Variants in THSD7B observed in about 807,000 individuals in gnomAD.
THSD7B encodes the protein thrombospondin type 1 domain containing 7B.
Under a neutral mutation model 213.6 loss-of-function variants are expected in THSD7B, and 138 were observed. That is an observed-to-expected ratio of 0.65 (90% CI 0.56 to 0.74). The LOEUF (loss-of-function observed/expected upper bound fraction) is 0.74. THSD7B is among the 30% of genes least tolerant of loss of function. The pLI is 0.00. For missense variants in THSD7B, 1,931 were observed against 1,991.5 expected, an observed-to-expected ratio of 0.97 and a Z score of 0.58; for synonymous variants, 742 against 687.0, an observed-to-expected ratio of 1.08 and a Z score of -1.25.
chr2:137,670,860 G>A (rs886124344), intron 27 of THSD7B, among the ~76,000 whole-genome samples: 1 of 150,288 alleles, frequency 6.7e-6, no homozygotes, highest in Non-Finnish European at 1.5e-5. Context: ...GGCGGAGCTT[G>A]CAGTGAGCCA....
intron 1 of THSD7B, among the ~76,000 whole-genome samples, chr2:136,789,527 A>G (rs1050409411): frequency 2.0e-5 from 3 of 152,138 alleles, no homozygotes; most frequent in African/African-American, 7.2e-5. Context: ...TGAAATGTAC[A>G]GTAAGTAATT....
intron 6 of THSD7B, among the ~76,000 whole-genome samples, chr2:137,166,728 G>A (rs376608138): frequency 1.2e-4 from 18 of 152,162 alleles, no homozygotes; most frequent in African/African-American, 3.6e-4. Flanking sequence ...CAAAAATGGG[G>A]GATATTTCCA....
At chr2:136,978,901 G>GTT (rs372005062) in intron 2 of THSD7B, among the ~76,000 whole-genome samples, 3 of 141,980 alleles carry the variant, frequency 2.1e-5, no homozygotes, top group African/African-American at 5.1e-5. Context: ...GTACTTCAGT[G>GTT]TTTTTTTTTT....
chr2:137,452,678 G>A (rs1015639866), intron 15 of THSD7B, among the ~76,000 whole-genome samples: 1 of 152,084 alleles, frequency 6.6e-6, no homozygotes, highest in African/African-American at 2.4e-5. Context: ...GGAATAAAAG[G>A]ATTTTATTTG....
Position 136,785,002 on chromosome 2 carries a change from C to A in THSD7B, c.-36+19315C>A, listed in dbSNP as rs190766241. ...TTAACTTCATTATGTCTCTCTCTCT[C>A]TATATTTTAATCATTCAATTCTGGA... On this transcript the variant is annotated intron_variant, in intron 1 of 27. Coordinates refer to ENST00000409968, the MANE Select transcript of THSD7B (RefSeq NM_001316349.2). Among the ~76,000 whole-genome samples the A allele has an allele frequency of 2.1e-3, 325 of 152,286 alleles. 4 individuals are homozygous for A. The highest frequency in any genetic ancestry group is 3.4e-3 in the Middle Eastern group (1 of 294).
intron 2 of THSD7B, among the ~76,000 whole-genome samples, chr2:136,998,261 C>CAAAAAAAAAAAAAAAAAAAAAAAAGAA (rs33931359): frequency 2.0e-5 from 2 of 98,404 alleles, no homozygotes; most frequent in Non-Finnish European, 4.3e-5. Context: ...ACTAAAAGGC[C>CAAAAAAAAAAAAAAAAAAAAAAAAGAA]AAAAAAAAAA....
At chr2:137,199,763 T>C (rs1188427326) in intron 7 of THSD7B, among the ~76,000 whole-genome samples, 1 of 152,218 alleles carries the variant, frequency 6.6e-6, no homozygotes, top group Non-Finnish European at 1.5e-5. Flanking sequence ...ATTGTGTATG[T>C]TCTCCTTAAC....
At chr2:137,017,972 C>G (rs1182819886) in intron 2 of THSD7B, among the ~76,000 whole-genome samples, 1 of 150,644 alleles carries the variant, frequency 6.6e-6, no homozygotes, top group African/African-American at 2.4e-5. Context: ...GGGAAAGACA[C>G]CTTTGTCTTC....
chr2:136,895,921 T>C (rs1336595851), intron 2 of THSD7B, among the ~76,000 whole-genome samples: 1 of 152,230 alleles, frequency 6.6e-6, no homozygotes, highest in African/African-American at 2.4e-5. Flanking sequence ...GGTTGCTCTA[T>C]ATTATAGCAT....
chr2:136,990,302 CT>C (rs1476282874), intron 2 of THSD7B, among the ~76,000 whole-genome samples: 2 of 152,186 alleles, frequency 1.3e-5, no homozygotes, highest in African/African-American at 4.8e-5. Context: ...GGCAGATATC[CT>C]TTCAGATAGA....
chr2:137,652,490 G>T (rs1176567626), intron 21 of THSD7B, among the ~76,000 whole-genome samples: 1 of 151,996 alleles, frequency 6.6e-6, no homozygotes, highest in African/African-American at 2.4e-5. Context: ...TATATACTTG[G>T]GACTTGTTCC....
At chr2:137,666,553 G>C (rs1186959003) in intron 26 of THSD7B, among the ~76,000 whole-genome samples, 1 of 139,786 alleles carries the variant, frequency 7.2e-6, no homozygotes, top group Non-Finnish European at 1.6e-5. Flanking sequence ...CCCCATAGAA[G>C]CTTTTCAAAT....
At chr2:136,823,333 C>T (rs774414585) in intron 1 of THSD7B, among the ~76,000 whole-genome samples, 1 of 152,198 alleles carries the variant, frequency 6.6e-6, no homozygotes, top group Non-Finnish European at 1.5e-5. Flanking sequence ...TACTTCATCT[C>T]TCAATGTCAG....
chr2:137,584,699 G>A (rs1023419650), intron 17 of THSD7B, among the ~76,000 whole-genome samples: 4 of 152,168 alleles, frequency 2.6e-5, no homozygotes, highest in African/African-American at 9.7e-5. Flanking sequence ...GTTGATCATG[G>A]TGGATAAGGT....
chr2:136,903,478 G>A (rs1684094259), intron 2 of THSD7B, among the ~76,000 whole-genome samples: 1 of 152,062 alleles, frequency 6.6e-6, no homozygotes, highest in African/African-American at 2.4e-5. Context: ...TTTAATTAAG[G>A]AAGAGAATAA....
At chr2:137,388,343 G>GT (rs2104974035) in intron 12 of THSD7B, among the ~76,000 whole-genome samples, 1 of 148,268 alleles carries the variant, frequency 6.7e-6, no homozygotes, top group Admixed American at 6.6e-5. Flanking sequence ...AAAAGTAACA[G>GT]TAAAAAAAAA....
chr2:137,675,822 T>TTATA (rs1433696526), intron 27 of THSD7B, among the ~76,000 whole-genome samples: 2 of 152,044 alleles, frequency 1.3e-5, no homozygotes, highest in Admixed American at 1.3e-4. Flanking sequence ...GTGGCAGAAT[T>TTATA]AAAGGTTACA....
chr2:137,408,678 G>A (rs1045301521), intron 13 of THSD7B, among the ~76,000 whole-genome samples: 56 of 152,142 alleles, frequency 3.7e-4, no homozygotes, highest in African/African-American at 1.3e-3. Flanking sequence ...ATGAGATGTT[G>A]GTAAGGCTGC....
chr2:136,990,097 T>C (rs1184274741), intron 2 of THSD7B, among the ~76,000 whole-genome samples: 1 of 152,208 alleles, frequency 6.6e-6, no homozygotes, highest in Non-Finnish European at 1.5e-5. Context: ...GAAAATATAA[T>C]GCAATTTTCT....
Sources: allele counts gnomAD v4.1 joint callset (sites outside exome capture counted in the v4.1 genomes callset), GRCh38; gene constraint gnomAD v4.1.1; transcripts MANE v1.5; gene names NCBI Gene and HGNC (gene_info 2026-07-23, HGNC 2026-07-21).